Variants in PIWIL1 observed in about 807,000 individuals in gnomAD.
The protein encoded by PIWIL1 is piwi like RNA-mediated gene silencing 1.
In PIWIL1, 73 loss-of-function variants were observed where a neutral mutation model predicts 114.4. That is an observed-to-expected ratio of 0.64 (90% CI 0.53 to 0.78). The LOEUF (loss-of-function observed/expected upper bound fraction) is 0.78, where lower values mean the gene tolerates loss of function less well. PIWIL1 is among the 30% of genes least tolerant of loss of function. PIWIL1 has a pLI of 0.00. For missense variants in PIWIL1, 723 were observed against 1,063.1 expected, an observed-to-expected ratio of 0.68 and a Z score of 4.45; for synonymous variants, 375 against 369.0, an observed-to-expected ratio of 1.02 and a Z score of -0.19.
At chr12:130,340,678 GTGCTGC>G (rs1158073002) in intron 1 of PIWIL1, among the ~76,000 whole-genome samples, 1 of 141,712 alleles carries the variant, frequency 7.1e-6, no homozygotes, top group Non-Finnish European at 1.5e-5. Context: ...GGTGGTGGTG[GTGCTGC>G]TGCTGCTGCT....
chr12:130,357,354 G>A, intron 13 of PIWIL1, 127 bp from the exon 14 acceptor site: 3 of 720,068 alleles, frequency 4.2e-6, no homozygotes, highest in Non-Finnish European at 7.0e-6. Flanking sequence ...TGGCATGAAT[G>A]GCTAGTCTCG....
In PIWIL1 at chr12:130,367,142, A is replaced by G; in HGVS notation, c.2205A>G (p.Leu735=). The G allele has an allele frequency of 6.2e-7, 1 of 1,614,146 alleles. No homozygotes were observed. Among genetic ancestry groups the G allele is most frequent in the Non-Finnish European group, 8.5e-7 (1 of 1,179,996 alleles). ...CATCATCATTTTTAAGCCCTAGACT[A>G]ACGGTAATTGTGGTGAAGAAAAGAG... ...KSIGRGYNPR[L]TVIVVKKRVN... The change falls in exon 19 of 21, where the codon CTA becomes CTG. Residue 735 remains leucine (L), a synonymous_variant. Transcript: ENST00000245255.
chr12:130,355,064 C>A, intron 11 of PIWIL1, 59 bp downstream of exon 11: 4 of 1,012,152 alleles, frequency 4.0e-6, no homozygotes, highest in Non-Finnish European at 6.3e-6. Context: ...TTTTATGTGG[C>A]TTTGAGGGGT....
intron 9 of PIWIL1, among the ~76,000 whole-genome samples, chr12:130,354,189 A>T (rs928739028): frequency 2.0e-5 from 3 of 152,170 alleles, no homozygotes; most frequent in Non-Finnish European, 4.4e-5. Context: ...TAGAGGAATC[A>T]TCCTATGGTG....
At chr12:130,424,214 G>A in the PIWIL1 span, 2 of 1,232,032 alleles carry the variant, frequency 1.6e-6, no homozygotes, top group South Asian at 4.1e-5. This position sits in a 1 kb window ranked among gnomAD's most constrained non-coding sequence, Gnocchi z 9.8. Flanking sequence ...GCATGGTTAT[G>A]CTTTTCTTCC....
At chr12:130,396,290 A>G in the PIWIL1 span, 1 of 152,670 alleles carries the variant, frequency 6.6e-6, no homozygotes, top group Admixed American at 6.5e-5. Flanking sequence ...TTGAAGACAC[A>G]ATGGGGAAAG....
the PIWIL1 span, among the ~76,000 whole-genome samples, chr12:130,418,916 C>T: frequency 1.3e-5 from 2 of 152,152 alleles, no homozygotes; most frequent in Admixed American, 6.5e-5. Flanking sequence ...AGGCCAGTCC[C>T]CCAACGAAGG....
rs2073380477 is a variant in PIWIL1, at chr12:130,356,994, A to G, written c.1481A>G (p.Asp494Gly). 8 of 1,613,194 alleles carry G rather than the reference A, an allele frequency of 5.0e-6. No individual in the cohort carries two copies. The highest frequency in any genetic ancestry group is 6.8e-6 in the Non-Finnish European group (8 of 1,179,256). ...CCATTAATTAGTGTTAAGCCACTAG[A>G]TAACTGGCTGTTGATCTATACGCGA... Reference protein sequence around the residue: ...GAPLISVKPLDNWLLIYTRRN... With the variant: ...GAPLISVKPLGNWLLIYTRRN... The change falls in exon 13 of 21, where the codon GAT becomes GGT. Residue 494 changes from aspartate to glycine, a missense_variant. Asp to Gly is a moderately conservative substitution (Grantham distance 94). Coordinates refer to ENST00000245255, the MANE Select transcript of PIWIL1 (RefSeq NM_004764.5).
chr12:130,346,029 T>C, intron 4 of PIWIL1, 151 bp downstream of exon 4: 1 of 711,260 alleles, frequency 1.4e-6, no homozygotes, highest in Non-Finnish European at 2.3e-6. Flanking sequence ...TGAAGTAGGT[T>C]ATAGATATCT....
At chr12:130,422,333 T>A in the PIWIL1 span, 1 of 605,570 alleles carries the variant, frequency 1.7e-6, no homozygotes. The surrounding 1 kb of genome is among the most constrained non-coding windows in gnomAD (Gnocchi z 5.2). Flanking sequence ...TTGCCATGAA[T>A]AACAGTGTTC....
the PIWIL1 span, chr12:130,424,893 AAG>A: frequency 2.4e-5 from 28 of 1,190,620 alleles, no homozygotes; most frequent in Non-Finnish European, 2.7e-5. This position sits in a 1 kb window ranked among gnomAD's most constrained non-coding sequence, Gnocchi z 9.8. Flanking sequence ...AGGCGCGGGA[AAG>A]AGTGTGTGGT....
At chr12:130,351,823 T>A (rs1051547080) in intron 9 of PIWIL1, 2 of 152,174 alleles carry the variant, frequency 1.3e-5, no homozygotes, top group African/African-American at 2.4e-5. Context: ...TTAACAAGTC[T>A]TAGTATTTAT....
downstream of PIWIL1, among the ~76,000 whole-genome samples, chr12:130,372,944 C>T (rs536675467): frequency 6.6e-6 from 1 of 152,234 alleles, no homozygotes; most frequent in South Asian, 2.1e-4. Context: ...TACACAAGTC[C>T]CTGGAACTGT....
At chr12:130,423,656 C>CAAAAAAAAA in the PIWIL1 span, among the ~76,000 whole-genome samples, 1 of 50,130 alleles carries the variant, frequency 2.0e-5, no homozygotes, top group Non-Finnish European at 3.5e-5. Flanking sequence ...AAACAATATG[C>CAAAAAAAAA]AAAAAAAAAA....
chr12:130,368,782 A>G (rs564670048), intron 19 of PIWIL1, among the ~76,000 whole-genome samples: 6 of 152,218 alleles, frequency 3.9e-5, no homozygotes, highest in Non-Finnish European at 8.8e-5. Flanking sequence ...GTAAAATCCC[A>G]GTTGAATTAT....
chr12:130,342,557 CT>C, intron 1 of PIWIL1, 22 bp from the exon 2 acceptor site: 1 of 1,441,064 alleles, frequency 6.9e-7, no homozygotes, highest in Non-Finnish European at 9.8e-7. Flanking sequence ...TGAGTATTGT[CT>C]TCAAGATTGT....
chr12:130,414,317 G>A, the PIWIL1 span: 13 of 1,570,390 alleles, frequency 8.3e-6, no homozygotes, highest in Non-Finnish European at 1.1e-5. Context: ...CTGCGAGCAA[G>A]TGGGGGTGAA....
At chr12:130,396,421 A>ACAT in the PIWIL1 span, 1 of 152,668 alleles carries the variant, frequency 6.6e-6, no homozygotes. Flanking sequence ...ACCATCAAAT[A>ACAT]CATCTGCCAG....
chr12:130,414,447 A>G, the PIWIL1 span: 3 of 771,064 alleles, frequency 3.9e-6, no homozygotes, highest in African/African-American at 5.2e-5. Flanking sequence ...ATGTAGGTGG[A>G]AATAGATCGG....
Sources: allele counts gnomAD v4.1 joint callset (sites outside exome capture counted in the v4.1 genomes callset), GRCh38; gene constraint gnomAD v4.1.1; non-coding constraint Gnocchi (gnomAD v3.1); transcripts MANE v1.5; gene names NCBI Gene and HGNC (gene_info 2026-07-23, HGNC 2026-07-21).